Variants in PLXNC1 observed in about 807,000 individuals in gnomAD.
The protein encoded by PLXNC1 is plexin-C1.
A neutral mutation model predicts 178.2 loss-of-function variants in PLXNC1; 75 were observed. The observed-to-expected ratio is 0.42, with a 90% CI of 0.35 to 0.51. The LOEUF (loss-of-function observed/expected upper bound fraction) is 0.51. Ranked by LOEUF, PLXNC1 falls within the 20% of genes least tolerant of loss-of-function variation. The pLI is 0.02. For missense variants in PLXNC1, 1,503 were observed against 1,984.4 expected, an observed-to-expected ratio of 0.76 and a Z score of 4.61; for synonymous variants, 790 against 779.9, an observed-to-expected ratio of 1.01 and a Z score of -0.22.
At chr12:94,269,506 C>G (rs1213234710) in intron 21 of PLXNC1, among the ~76,000 whole-genome samples, 1 of 152,204 alleles carries the variant, frequency 6.6e-6, no homozygotes, top group Non-Finnish European at 1.5e-5. Context: ...AGTATACTTC[C>G]TTTAACAGTG....
chr12:94,156,838 G>T (rs568321983), intron 1 of PLXNC1, among the ~76,000 whole-genome samples: 1 of 151,538 alleles, frequency 6.6e-6, no homozygotes, highest in East Asian at 1.9e-4. Context: ...TTCCCAAGTA[G>T]CTGGGACTAC....
chr12:94,175,577 T>C (rs1377950965), intron 2 of PLXNC1, among the ~76,000 whole-genome samples: 1 of 152,148 alleles, frequency 6.6e-6, no homozygotes, highest in Non-Finnish European at 1.5e-5. Flanking sequence ...TAGTCTACCA[T>C]GAGGCTTCAG....
chr12:94,183,511 G>A (rs73222673), intron 3 of PLXNC1, among the ~76,000 whole-genome samples: 15,006 of 152,274 alleles, frequency 0.099, 890 homozygotes, highest in Middle Eastern at 0.15. Context: ...TATCAAGGGC[G>A]TCTCAAAACT....
chr12:94,165,524 T>C (rs986148909), intron 1 of PLXNC1, among the ~76,000 whole-genome samples: 1 of 152,110 alleles, frequency 6.6e-6, no homozygotes, highest in Non-Finnish European at 1.5e-5. Context: ...TCCAGGCTGG[T>C]GAGAGGAACA....
intron 23 of PLXNC1, among the ~76,000 whole-genome samples, chr12:94,289,797 G>A (rs778029748): frequency 6.6e-6 from 1 of 152,224 alleles, no homozygotes; most frequent in Non-Finnish European, 1.5e-5. Flanking sequence ...TGGGGGAAAT[G>A]TTCCAGCTCT....
At chr12:94,150,652 G>A (rs957101034) in intron 1 of PLXNC1, among the ~76,000 whole-genome samples, 2 of 152,262 alleles carry the variant, frequency 1.3e-5, no homozygotes, top group Non-Finnish European at 2.9e-5. Context: ...CCCCTGGCGT[G>A]AGCCGGTGCG....
intron 4 of PLXNC1, among the ~76,000 whole-genome samples, chr12:94,190,171 G>T (rs747771961): frequency 3.3e-5 from 5 of 152,204 alleles, no homozygotes; most frequent in Non-Finnish European, 7.3e-5. Flanking sequence ...GTAATATTGA[G>T]AAGGGGAAAG....
chr12:94,281,697 AG>A (rs1364862328), intron 22 of PLXNC1: 1 of 152,344 alleles, frequency 6.6e-6, no homozygotes, highest in African/African-American at 2.4e-5. Flanking sequence ...TTGGGATTAT[AG>A]GTCTGAGCTC....
chr12:94,207,156 G>A (rs1288151354), intron 4 of PLXNC1, among the ~76,000 whole-genome samples: 1 of 152,090 alleles, frequency 6.6e-6, no homozygotes, highest in Non-Finnish European at 1.5e-5. Flanking sequence ...GTCATGGTTT[G>A]CTTTTTATTT....
intron 21 of PLXNC1, chr12:94,272,442 ACTTAATGT>A (rs1965629888): frequency 6.6e-6 from 1 of 152,222 alleles, no homozygotes; most frequent in African/African-American, 2.4e-5. Flanking sequence ...TAACATATCC[ACTTAATGT>A]CATCGGCCAG....
intron 4 of PLXNC1, among the ~76,000 whole-genome samples, chr12:94,208,331 C>T (rs1313094783): frequency 2.0e-5 from 3 of 152,104 alleles, no homozygotes; most frequent in Non-Finnish European, 2.9e-5. Context: ...TTGGGGATGA[C>T]GTTTAGTGAA....
intron 10 of PLXNC1, 140 bp downstream of exon 10, chr12:94,237,943 CATA>C: frequency 1.4e-6 from 1 of 717,280 alleles, no homozygotes; most frequent in Non-Finnish European, 2.2e-6. Context: ...GAGTATTTGA[CATA>C]ATATAATTCC....
intron 22 of PLXNC1, among the ~76,000 whole-genome samples, chr12:94,280,523 T>C (rs574781215): frequency 2.0e-4 from 30 of 152,312 alleles, no homozygotes; most frequent in African/African-American, 7.2e-4. Flanking sequence ...TTTGAGACCA[T>C]GCAAATGTGG....
chr12:94,204,950 T>A (rs941022615), intron 4 of PLXNC1, among the ~76,000 whole-genome samples: 1 of 152,216 alleles, frequency 6.6e-6, no homozygotes, highest in Non-Finnish European at 1.5e-5. Flanking sequence ...TTACCTGATA[T>A]GTAGTTATCA....
chr12:94,254,088 T>C (rs574596622), intron 15 of PLXNC1, among the ~76,000 whole-genome samples: 11 of 152,244 alleles, frequency 7.2e-5, no homozygotes, highest in Non-Finnish European at 1.5e-4. Flanking sequence ...TTACTTCTTA[T>C]AATCCTCCCA....
intron 1 of PLXNC1, among the ~76,000 whole-genome samples, chr12:94,154,288 G>A (rs1160291149): frequency 1.3e-5 from 2 of 152,180 alleles, no homozygotes; most frequent in East Asian, 1.9e-4. Flanking sequence ...AATAGCAGAG[G>A]ATTTAGAACC....
intron 23 of PLXNC1, among the ~76,000 whole-genome samples, chr12:94,288,553 C>T (rs993796340): frequency 1.1e-4 from 16 of 152,210 alleles, no homozygotes; most frequent in Non-Finnish European, 1.0e-4. Context: ...TTCCAGCATC[C>T]TGTAAGCCCT....
At chr12:94,295,770 GC>G (rs1475482946) in intron 24 of PLXNC1, among the ~76,000 whole-genome samples, 3 of 152,164 alleles carry the variant, frequency 2.0e-5, no homozygotes, top group African/African-American at 7.2e-5. Context: ...CTTGACCAGG[GC>G]CCTCCACACA....
At chr12:94,215,125 T>G (rs1236765116) in intron 5 of PLXNC1, among the ~76,000 whole-genome samples, 1 of 152,192 alleles carries the variant, frequency 6.6e-6, no homozygotes, top group Non-Finnish European at 1.5e-5. Context: ...CTTGAACTCC[T>G]GAACTCAGGT....
Sources: allele counts gnomAD v4.1 joint callset (sites outside exome capture counted in the v4.1 genomes callset), GRCh38; gene constraint gnomAD v4.1.1; transcripts MANE v1.5; gene names NCBI Gene and HGNC (gene_info 2026-07-23, HGNC 2026-07-21).